The following AGBL1 variants were observed in gnomAD, a reference collection of about 807,000 sequenced individuals.
AGBL1 encodes cytosolic carboxypeptidase 4.
A neutral mutation model predicts 118.9 loss-of-function variants in AGBL1; 130 were observed. The ratio of observed to expected loss-of-function variants is 1.09; its 90% CI spans 0.95 to 1.26. The LOEUF (loss-of-function observed/expected upper bound fraction) is 1.26, where lower values mean the gene tolerates loss of function less well. Ranked by LOEUF, AGBL1 falls within the 50% of genes most tolerant of loss-of-function variation. AGBL1 has a pLI of 0.00. For missense variants in AGBL1, 1,584 were observed against 1,298.1 expected (o/e 1.22, Z -3.38); for synonymous variants, 555 against 478.9 (o/e 1.16, Z -2.08).
chr15:86,090,760 C>T (rs1895967804), intron 1 of AGBL1, among the ~76,000 whole-genome samples: 1 of 152,128 alleles, frequency 6.6e-6, no homozygotes, highest in South Asian at 2.1e-4. Flanking sequence ...TGCTGCAAAG[C>T]TTTTCCCCCA....
chr15:86,143,635 C>A, intron 2 of AGBL1, 64 bp from the exon 3 acceptor site: 2 of 1,579,968 alleles, frequency 1.3e-6, no homozygotes, highest in South Asian at 1.2e-5. Flanking sequence ...GGAGGTCTGT[C>A]TTCTGCTCCA....
intron 21 of AGBL1, among the ~76,000 whole-genome samples, chr15:86,599,882 A>T (rs370506699): frequency 5.3e-5 from 8 of 152,240 alleles, no homozygotes; most frequent in East Asian, 3.9e-4. Flanking sequence ...TATCATAATT[A>T]GGGCTCAGTA....
chr15:86,170,987 T>C (rs1448706127), intron 5 of AGBL1, among the ~76,000 whole-genome samples: 1 of 151,860 alleles, frequency 6.6e-6, no homozygotes, highest in Admixed American at 6.6e-5. Context: ...TTGGAAACAA[T>C]GCAAGTGAAA....
chr15:86,652,524 A>G (rs960900144), intron 21 of AGBL1, among the ~76,000 whole-genome samples: 2 of 152,134 alleles, frequency 1.3e-5, no homozygotes, highest in South Asian at 2.1e-4. Flanking sequence ...TAGCTGCTTT[A>G]TATTTCATAG....
intron 22 of AGBL1, among the ~76,000 whole-genome samples, chr15:86,818,110 GACAC>G (rs562324741): frequency 4.0e-5 from 6 of 150,072 alleles, no homozygotes; most frequent in Admixed American, 6.6e-5. Context: ...GCGTGTATGT[GACAC>G]ACACACACAC....
intron 24 of AGBL1, among the ~76,000 whole-genome samples, chr15:87,000,547 G>T (rs1480809600): frequency 5.0e-5 from 2 of 39,860 alleles, no homozygotes; most frequent in African/African-American, 1.4e-4. Context: ...TAGATATGCA[G>T]CGTTATTTCT....
chr15:86,230,476 C>A (rs1040107666), intron 6 of AGBL1, among the ~76,000 whole-genome samples: 3 of 152,226 alleles, frequency 2.0e-5, no homozygotes, highest in Non-Finnish European at 2.9e-5. Flanking sequence ...TGGATCAATG[C>A]AGCTGTCACT....
At chr15:86,360,273 C>G (rs1231132000) in intron 17 of AGBL1, among the ~76,000 whole-genome samples, 2 of 148,550 alleles carry the variant, frequency 1.3e-5, no homozygotes, top group Non-Finnish European at 3.0e-5. Flanking sequence ...TGAACTTTGT[C>G]AAATGTTTTT....
intron 22 of AGBL1, among the ~76,000 whole-genome samples, chr15:86,808,799 T>C (rs2078751741): frequency 6.6e-6 from 1 of 151,876 alleles, no homozygotes; most frequent in South Asian, 2.1e-4. Flanking sequence ...ATCTGGATCA[T>C]GGTTTCTTTA....
intron 18 of AGBL1, among the ~76,000 whole-genome samples, chr15:86,461,847 T>C (rs1274570915): frequency 1.3e-5 from 2 of 152,178 alleles, no homozygotes; most frequent in African/African-American, 4.8e-5. Flanking sequence ...TATGGCTACA[T>C]TTATGGTTAT....
At chr15:86,398,268 C>A (rs1378513835) in intron 18 of AGBL1, among the ~76,000 whole-genome samples, 5 of 152,096 alleles carry the variant, frequency 3.3e-5, no homozygotes, top group Non-Finnish European at 5.9e-5. Context: ...AGCTGAGGCC[C>A]AGACATCAGA....
At chr15:86,622,425 C>T (rs2084824403) in intron 21 of AGBL1, among the ~76,000 whole-genome samples, 2 of 151,416 alleles carry the variant, frequency 1.3e-5, no homozygotes, top group South Asian at 2.1e-4. Context: ...CTACTAAGTA[C>T]TAAACACTGA....
chr15:86,827,289 A>G (rs1254329295), intron 22 of AGBL1, among the ~76,000 whole-genome samples: 8 of 52,462 alleles, frequency 1.5e-4, no homozygotes, highest in African/African-American at 5.0e-4. Flanking sequence ...ATGGGTGTGT[A>G]TGTATATATA....
chr15:86,121,543 A>G (rs2141580490), intron 1 of AGBL1, among the ~76,000 whole-genome samples: 1 of 152,358 alleles, frequency 6.6e-6, no homozygotes, highest in South Asian at 2.1e-4. Context: ...AAAACCAAAA[A>G]GATTAGAAAC....
chr15:86,659,626 T>C (rs554013856), intron 21 of AGBL1, among the ~76,000 whole-genome samples: 7 of 152,276 alleles, frequency 4.6e-5, no homozygotes, highest in African/African-American at 1.7e-4. Flanking sequence ...AACCGTAAGA[T>C]CTAACCTGAT....
intron 20 of AGBL1, among the ~76,000 whole-genome samples, chr15:86,550,286 A>G (rs554585614): frequency 6.6e-6 from 1 of 152,336 alleles, no homozygotes; most frequent in African/African-American, 2.4e-5. Flanking sequence ...AAAAATATCA[A>G]TGATGTCATT....
At chr15:86,308,484 A>G (rs2079873784) in intron 17 of AGBL1, among the ~76,000 whole-genome samples, 1 of 152,180 alleles carries the variant, frequency 6.6e-6, no homozygotes, top group African/African-American at 2.4e-5. Flanking sequence ...AGCCTCCAAA[A>G]CCGTTAAAAT....
In AGBL1 at chr15:86,257,834, T is replaced by C; in HGVS notation, c.902-130T>C. 3.8e-6 allele frequency: 3 copies of C among 796,950 alleles called. No homozygotes were observed. The Admixed American group carries it at 7.5e-5, about 20-fold the overall frequency. The allele number at this position is 796,950 out of a possible 1,614,324, so 49.4% of individuals were successfully genotyped here. On this transcript the variant is annotated intron_variant, in intron 8 of 22. Transcript: ENST00000614907. ...ATAAGCATTTGTGTGTGGTGGGATA[T>C]TGTGCAATTAATATTGGGCCCCTTA...
At chr15:86,568,394 C>T (rs577720476) in intron 21 of AGBL1, among the ~76,000 whole-genome samples, 5 of 152,190 alleles carry the variant, frequency 3.3e-5, no homozygotes, top group African/African-American at 1.2e-4. Context: ...TTATTGATTC[C>T]AGGATCTCTA....
Sources: gnomAD v4.1 joint callset for allele counts (sites outside exome capture counted in the v4.1 genomes callset) on GRCh38, gnomAD v4.1.1 for gene constraint, MANE v1.5 for transcripts, NCBI Gene and HGNC (gene_info 2026-07-23, HGNC 2026-07-21) for gene names.